The following ZNF208 variants were observed in gnomAD, a reference collection of about 807,000 sequenced individuals.
ZNF208 encodes zinc finger protein 95.
In ZNF208, 10 loss-of-function variants were observed where a neutral mutation model predicts 12.1. That is an observed-to-expected ratio of 0.83 (90% CI 0.51 to 1.40). The LOEUF is 1.40. Among genes scored for constraint, ZNF208 ranks in the 40% most tolerant of loss-of-function variants. ZNF208 has a pLI of 0.00. For missense variants in ZNF208, 1,652 were observed against 1,485.0 expected, an observed-to-expected ratio of 1.11 and a Z score of -1.85; for synonymous variants, 497 against 488.4, an observed-to-expected ratio of 1.02 and a Z score of -0.23.
At chr19:21,957,368 C>T (rs1051911841) in intron 4 of ZNF208, among the ~76,000 whole-genome samples, 5 of 152,138 alleles carry the variant, frequency 3.3e-5, no homozygotes, top group African/African-American at 9.7e-5. Flanking sequence ...CAATGAAATA[C>T]AACAGAAAAA....
chr19:21,985,744 T>A (rs986570868), intron 3 of ZNF208, among the ~76,000 whole-genome samples: 3 of 152,146 alleles, frequency 2.0e-5, no homozygotes, highest in Non-Finnish European at 2.9e-5. Context: ...AATACCAGTT[T>A]CATGACTCAG....
At chr19:21,959,209 C>A (rs1439341223) in intron 4 of ZNF208, among the ~76,000 whole-genome samples, 2 of 151,966 alleles carry the variant, frequency 1.3e-5, no homozygotes, top group Non-Finnish European at 2.9e-5. Context: ...AAAAAATGAC[C>A]ATCAGATACT....
chr19:21,969,132 CTTT>C lies in ZNF208; in HGVS notation c.*2056_*2058del, dbSNP rs977274150. 6.6e-6 allele frequency among the ~76,000 whole-genome samples: 1 copy of C among 152,062 alleles called. No individual in the cohort carries two copies. Among genetic ancestry groups the C allele is most frequent in the Non-Finnish European group, 1.5e-5 (1 of 68,004 alleles). On this transcript the variant is annotated 3_prime_UTR_variant, in exon 4 of 4. Transcript: ENST00000397126. ...CTGGAAGCTAGACCTTGGCTAATTT[CTTT>C]ATTTCTTTTTAGTAAACATGTTTAG...
intron 4 of ZNF208, chr19:21,940,333 T>A (rs768597833): frequency 1.5e-4 from 23 of 152,168 alleles, no homozygotes; most frequent in Non-Finnish European, 2.8e-4. Flanking sequence ...GAATCAAATC[T>A]AAGGTAATAA....
chr19:21,977,492 C>T (rs573059894), intron 3 of ZNF208, among the ~76,000 whole-genome samples: 4 of 152,154 alleles, frequency 2.6e-5, no homozygotes, highest in Non-Finnish European at 5.9e-5. Flanking sequence ...ACTCCCTCTC[C>T]TAGCCAAGGT....
intron 1 of ZNF208, among the ~76,000 whole-genome samples, chr19:21,996,579 A>G (rs1179837907): frequency 2.6e-5 from 4 of 152,148 alleles, no homozygotes; most frequent in Non-Finnish European, 5.9e-5. Context: ...TTTCTTTTCA[A>G]TTCTCAAGAC....
chr19:21,960,893 G>C (rs1013607552), intron 4 of ZNF208, among the ~76,000 whole-genome samples: 2 of 152,148 alleles, frequency 1.3e-5, no homozygotes, highest in Non-Finnish European at 2.9e-5. Context: ...CACAAATGCA[G>C]AAAAGAAAGC....
At chr19:21,977,684 C>CT (rs976580129) in intron 3 of ZNF208, among the ~76,000 whole-genome samples, 1 of 152,060 alleles carries the variant, frequency 6.6e-6, no homozygotes, top group Non-Finnish European at 1.5e-5. Flanking sequence ...CTGCAGGAGG[C>CT]TTTTTTTCCC....
At chr19:22,008,670 C>T (rs1326753575) in intron 1 of ZNF208, among the ~76,000 whole-genome samples, 1 of 151,986 alleles carries the variant, frequency 6.6e-6, no homozygotes, top group Non-Finnish European at 1.5e-5. Flanking sequence ...GTTTCCCCTT[C>T]AATACCAGCA....
rs1417796828 is a variant in ZNF208 at position 21,970,029 on chromosome 19, C to T, written c.*1162G>A. ...CATTGTTTATTACAGTAGTTTTCTC[C>T]AGTATGAGTTATCTTACCTACAATC... On this transcript the variant is annotated 3_prime_UTR_variant, in exon 4 of 4. Coordinates refer to ENST00000397126, the MANE Select transcript of ZNF208 (RefSeq NM_007153.3). 2.0e-5 allele frequency among the ~76,000 whole-genome samples: 3 copies of T among 152,070 alleles called. No individual in the cohort carries two copies. Among genetic ancestry groups the T allele is most frequent in the African/African-American group, 7.2e-5 (3 of 41,424 alleles).
rs911661719 is a variant in ZNF208, at chr19:21,969,415, C to G, written c.*1776G>C. On this transcript the variant is annotated 3_prime_UTR_variant, in exon 4 of 4. Coordinates refer to ENST00000397126, the MANE Select transcript of ZNF208 (RefSeq NM_007153.3). ...CTTTAGTTTTGGATTTTTTCCTATA[C>G]TCAGCAGTCTGATTTAGTGTAATAT... Among the ~76,000 whole-genome samples, 2 of 152,072 alleles carry G rather than the reference C, an allele frequency of 1.3e-5. No individual in the cohort carries two copies. The highest frequency in any genetic ancestry group is 6.6e-5 in the Admixed American group (1 of 15,242).
At chr19:21,948,753 C>T (rs1336390464) in intron 4 of ZNF208, among the ~76,000 whole-genome samples, 3 of 151,282 alleles carry the variant, frequency 2.0e-5, no homozygotes, top group Non-Finnish European at 4.4e-5. Context: ...TAAGCCAAAC[C>T]CTAACTGTTA....
chr19:21,971,563 A>C lies in ZNF208; in HGVS notation c.3471T>G (p.Ser1157Arg). 3 of 1,606,824 alleles carry C rather than the reference A, an allele frequency of 1.9e-6. No individual in the cohort carries two copies. Among genetic ancestry groups the C allele is most frequent in the Non-Finnish European group, 2.5e-6 (3 of 1,178,612 alleles). The part of the protein sequence containing the change: ...GKAYKWSSTL[S>R]YHKKIHTVEK... Reference sequence around the variant, plus strand: ...CTACAGTATGAATTTTCTTATGATAACTAAGGGTTGAGGACCACTTATAGG... The same window carrying C: ...CTACAGTATGAATTTTCTTATGATACCTAAGGGTTGAGGACCACTTATAGG... The change falls in exon 4 of 4, where the codon AGT (serine) becomes AGG (arginine). Residue 1157 changes from serine to arginine, a missense_variant. Physicochemically the swap from Ser to Arg is moderately radical, Grantham distance 110. Coordinates refer to ENST00000397126, the MANE Select transcript of ZNF208 (RefSeq NM_007153.3).
intron 1 of ZNF208, among the ~76,000 whole-genome samples, chr19:21,995,768 T>A (rs2145575448): frequency 6.6e-6 from 1 of 152,356 alleles, no homozygotes; most frequent in East Asian, 1.9e-4. Context: ...CTTAAGATGC[T>A]TGTTTACACT....
intron 4 of ZNF208, among the ~76,000 whole-genome samples, chr19:21,949,990 C>G (rs1241797813): frequency 6.6e-6 from 1 of 152,216 alleles, no homozygotes; most frequent in African/African-American, 2.4e-5. Context: ...TGCCTGAACT[C>G]AGCCACTTTC....
chr19:21,940,859 G>T, intron 4 of ZNF208: 1 of 154,164 alleles, frequency 6.5e-6, no homozygotes, highest in South Asian at 2.0e-4. Flanking sequence ...CCCGCAGGTC[G>T]AGGAGGGCTC....
chr19:21,965,879 G>A (rs1970156130), downstream of ZNF208: 1 of 151,858 alleles, frequency 6.6e-6, no homozygotes, highest in Non-Finnish European at 1.5e-5. Flanking sequence ...GTAGTGTACA[G>A]TTAATACATA....
At chr19:21,954,742 T>C (rs1260005090) in intron 4 of ZNF208, among the ~76,000 whole-genome samples, 1 of 152,196 alleles carries the variant, frequency 6.6e-6, no homozygotes, top group Non-Finnish European at 1.5e-5. Context: ...GCAGGTGAGA[T>C]GGGTTTCCTG....
intron 1 of ZNF208, among the ~76,000 whole-genome samples, chr19:22,005,737 T>C (rs1971031899): frequency 6.6e-6 from 1 of 152,186 alleles, no homozygotes. Flanking sequence ...AGAACACTAG[T>C]TATACTTACT....
Sources: gnomAD v4.1 joint callset for allele counts (sites outside exome capture counted in the v4.1 genomes callset) on GRCh38, gnomAD v4.1.1 for gene constraint, MANE v1.5 for transcripts, NCBI Gene and HGNC (gene_info 2026-07-23, HGNC 2026-07-21) for gene names.